Variants in MCM9 observed in about 807,000 individuals in gnomAD.
MCM9 encodes the protein minichromosome maintenance 9 homologous recombination repair factor, also known as DNA helicase MCM9.
Under a neutral mutation model 72.8 loss-of-function variants are expected in MCM9, and 55 were observed. The ratio of observed to expected loss-of-function variants is 0.76; its 90% CI spans 0.61 to 0.95. The LOEUF (loss-of-function observed/expected upper bound fraction) is 0.95, where lower values mean the gene tolerates loss of function less well. Ranked by LOEUF, MCM9 falls within the 40% of genes least tolerant of loss-of-function variation. The pLI is 0.00. For synonymous variants in MCM9, 480 were observed against 503.4 expected, an observed-to-expected ratio of 0.95 and a Z score of 0.62; for missense variants, 1,279 against 1,377.0, an observed-to-expected ratio of 0.93 and a Z score of 1.13.
intron 8 of MCM9, among the ~76,000 whole-genome samples, chr6:118,877,716 A>G (rs992406133): frequency 2.0e-5 from 3 of 152,218 alleles, no homozygotes; most frequent in Non-Finnish European, 4.4e-5. Flanking sequence ...AGAGATTGTG[A>G]CCATCTGCAC....
chr6:118,815,004 T>A lies in MCM9; in HGVS notation c.3252A>T (p.Arg1084Ser). 6.4e-7 allele frequency: 1 copy of A among 1,550,390 alleles called. No homozygotes were observed. The highest frequency in any genetic ancestry group is 2.4e-5 in the East Asian group (1 of 40,908). ...PPPERKNRGE[R>S]GPSSPPTTTA... ...TGGTTGTAGGAGGGGAGCTTGGGCC[T>A]CTCTCACCTCGGTTCTTCCTTTCAG... The change falls in exon 14 of 14, where the codon AGA becomes AGT. Residue 1084 changes from arginine (R) to serine (S), a missense_variant. Coordinates refer to ENST00000619706, the MANE Select transcript of MCM9 (RefSeq NM_017696.3).
chr6:118,849,887 A>C (rs1479069220), intron 9 of MCM9, among the ~76,000 whole-genome samples: 1 of 151,912 alleles, frequency 6.6e-6, no homozygotes, highest in Non-Finnish European at 1.5e-5. Flanking sequence ...TTTCCAAAAA[A>C]AAGAAACATA....
In MCM9 at chr6:118,829,182, G is replaced by A. The variant is rs1191432013; in HGVS notation, c.1394C>T (p.Pro465Leu). The A allele has an allele frequency of 4.5e-6, 7 of 1,550,548 alleles. No individual in the cohort carries two copies. In the South Asian group the frequency reaches 8.3e-5, roughly 18 times the overall value. The change falls in exon 10 of 14, where the codon CCC becomes CTC. Residue 465 changes from proline (P) to leucine (L), a missense_variant. Coordinates refer to ENST00000619706, the MANE Select transcript of MCM9 (RefSeq NM_017696.3). Reference sequence around the variant, plus strand: ...AATGTTCACAGACACGGACTCCTGGGGGTCGTACTGGCCTTTGGGGTTCGT... The same window carrying A: ...AATGTTCACAGACACGGACTCCTGGAGGTCGTACTGGCCTTTGGGGTTCGT... ...AATNPKGQYD[P>L]QESVSVNIAL...
chr6:118,815,102 C>T lies in MCM9; in HGVS notation c.3154G>A (p.Ala1052Thr). 1.3e-6 allele frequency: 2 copies of T among 1,550,772 alleles called. No individual in the cohort carries two copies. Among genetic ancestry groups the T allele is most frequent in the Non-Finnish European group, 8.7e-7 (1 of 1,147,026 alleles). ...TTTGCCAATCTGGCTAATGTGCAGG[C>T]ATGAACCTTGCCGCTTTTATTACTG... Reference protein sequence around the residue: ...SGSNKSGKVHACTLARLANFC... With the variant: ...SGSNKSGKVHTCTLARLANFC... Residue 1052 changes from alanine (A) to threonine (T), a missense_variant, in exon 14 of 14, where the codon GCC (alanine) becomes ACC (threonine). Ala to Thr is a moderately conservative substitution (Grantham distance 58). Transcript: ENST00000619706.
chr6:118,815,170 G>T lies in MCM9; in HGVS notation c.3086C>A (p.Ala1029Asp). Residue 1029 changes from alanine to aspartate, a missense_variant, in exon 14 of 14, where the codon GCT (alanine) becomes GAT (aspartate). Transcript: ENST00000619706. Reference protein sequence around the residue: ...ELELGNETGCAHLTCEGDKKE... With the variant: ...ELELGNETGCDHLTCEGDKKE... ...TTTGTCTCCCTCACAAGTAAGATGA[G>T]CACACCCAGTCTCGTTCCCAAGCTC... 1 of 1,550,478 alleles carries T rather than the reference G, an allele frequency of 6.4e-7. No individual in the cohort carries two copies. The highest frequency in any genetic ancestry group is 8.7e-7 in the Non-Finnish European group (1 of 1,146,952).
At chr6:118,880,968 C>A (rs1486520472) in intron 8 of MCM9, among the ~76,000 whole-genome samples, 1 of 152,032 alleles carries the variant, frequency 6.6e-6, no homozygotes, top group African/African-American at 2.4e-5. Context: ...CACATACAAA[C>A]CTAAGATAAG....
At chr6:118,875,866 C>T (rs954856164) in intron 8 of MCM9, among the ~76,000 whole-genome samples, 1 of 152,102 alleles carries the variant, frequency 6.6e-6, no homozygotes, top group Non-Finnish European at 1.5e-5. Context: ...TACAACCCAG[C>T]AGCTGTGCTC....
chr6:118,882,448 C>T (rs983148242), intron 8 of MCM9, among the ~76,000 whole-genome samples: 1 of 152,156 alleles, frequency 6.6e-6, no homozygotes, highest in African/African-American at 2.4e-5. Context: ...AGCTAGTTTA[C>T]CATAGAGAAC....
intron 2 of MCM9, 125 bp downstream of exon 2, chr6:118,932,482 T>C (rs1392299537): frequency 2.2e-6 from 1 of 462,002 alleles, no homozygotes; most frequent in Non-Finnish European, 2.8e-6. Context: ...AGTGGAGTTC[T>C]TTGCAAGAGT....
intron 8 of MCM9, among the ~76,000 whole-genome samples, chr6:118,857,573 C>G (rs899901438): frequency 7.4e-6 from 1 of 134,258 alleles, no homozygotes; most frequent in Non-Finnish European, 1.5e-5. Context: ...AACATGAGTA[C>G]GTTAAGAATA....
rs1773391614 is a variant in MCM9, at chr6:118,816,088, T to C, written c.2168A>G (p.Asn723Ser). ...VLDPPPHLEP[N>S]RSTSRKHSAQ... ...TGAATGTTTCCTACTTGTTGATCTATTAGGCTCCAGATGCGGTGGGGGATC... is the reference window on the plus strand; with the variant it reads ...TGAATGTTTCCTACTTGTTGATCTACTAGGCTCCAGATGCGGTGGGGGATC... Residue 723 changes from asparagine to serine, a missense_variant, in exon 14 of 14, where the codon AAT becomes AGT. Coordinates refer to ENST00000619706, the MANE Select transcript of MCM9 (RefSeq NM_017696.3). 1 of 1,550,316 alleles carries C rather than the reference T, an allele frequency of 6.5e-7. No individual in the cohort carries two copies. The highest frequency in any genetic ancestry group is 8.7e-7 in the Non-Finnish European group (1 of 1,146,798).
Position 118,924,965 on chromosome 6 carries a change from A to G in MCM9, c.305-838T>C, listed in dbSNP as rs575352647. The stretch of plus-strand genomic sequence containing the variant: ...AGGGCTGAAGTGGGAGGATCTCTTG[A>G]GCCCAGGGGGTCAAGGCTACAGTAA... On this transcript the variant is annotated intron_variant, in intron 3 of 13. Transcript: ENST00000619706. 2.6e-5 allele frequency among the ~76,000 whole-genome samples: 4 copies of G among 152,042 alleles called. No homozygotes were observed. In the East Asian group the frequency reaches 7.8e-4, roughly 30 times the overall value.
intron 8 of MCM9, among the ~76,000 whole-genome samples, chr6:118,865,557 T>C (rs371329093): frequency 6.6e-6 from 1 of 152,158 alleles, no homozygotes; most frequent in East Asian, 1.9e-4. Context: ...AAGGGGCTTA[T>C]AACATACTTC....
chr6:118,872,036 G>A (rs1007729373), intron 8 of MCM9, among the ~76,000 whole-genome samples: 14 of 151,844 alleles, frequency 9.2e-5, no homozygotes, highest in Non-Finnish European at 1.5e-4. Flanking sequence ...AAATAATAAA[G>A]GCCGGGCGCG....
chr6:118,931,487 T>C lies in MCM9; in HGVS notation c.237A>G (p.Thr79=). ...CAGGCTGAGAAAGGGACTGGAGAATTGTCAAGGCTGACCTTCGCAGTGCAC... is the reference window on the plus strand; with the variant it reads ...CAGGCTGAGAAAGGGACTGGAGAATCGTCAAGGCTGACCTTCGCAGTGCAC... ...FDSALRRSAL[T]ILQSLSQPEA... The change falls in exon 3 of 14, where the codon ACA becomes ACG. Residue 79 remains threonine (T), a synonymous_variant. Coordinates refer to ENST00000619706, the MANE Select transcript of MCM9 (RefSeq NM_017696.3). The C allele has an allele frequency of 6.2e-7, 1 of 1,614,198 alleles. No homozygotes were observed.
At chr6:118,906,264 A>C (rs1780170937) in intron 8 of MCM9, among the ~76,000 whole-genome samples, 1 of 151,854 alleles carries the variant, frequency 6.6e-6, no homozygotes, top group Non-Finnish European at 1.5e-5. Context: ...GTAGAGGTGG[A>C]GTTTCACCAT....
intron 9 of MCM9, among the ~76,000 whole-genome samples, chr6:118,833,319 A>C (rs1390698035): frequency 6.6e-6 from 1 of 152,218 alleles, no homozygotes; most frequent in African/African-American, 2.4e-5. Context: ...TTAGGGAAAA[A>C]AAATTGCTTC....
intron 9 of MCM9, among the ~76,000 whole-genome samples, chr6:118,839,087 T>C (rs947063221): frequency 6.6e-6 from 1 of 152,146 alleles, no homozygotes; most frequent in Non-Finnish European, 1.5e-5. Flanking sequence ...GGTCTTTTCA[T>C]ATAGTCCCAT....
At chr6:118,827,872 T>C in intron 11 of MCM9, 55 bp downstream of exon 11, 4 of 1,497,178 alleles carry the variant, frequency 2.7e-6, no homozygotes, top group Non-Finnish European at 3.6e-6. Flanking sequence ...CCAAGCCCCA[T>C]GCCTTGCACA....
Sources: allele counts gnomAD v4.1 joint callset (sites outside exome capture counted in the v4.1 genomes callset), GRCh38; gene constraint gnomAD v4.1.1; transcripts MANE v1.5; gene names NCBI Gene and HGNC (gene_info 2026-07-23, HGNC 2026-07-21).